Variants in AUTS2 observed in about 807,000 individuals in gnomAD.
The protein encoded by AUTS2 is autism susceptibility gene 2 protein.
Under a neutral mutation model 112.4 loss-of-function variants are expected in AUTS2, and 17 were observed. The ratio of observed to expected loss-of-function variants is 0.15; its 90% CI spans 0.10 to 0.23. The LOEUF (loss-of-function observed/expected upper bound fraction) is 0.23, where lower values mean the gene tolerates loss of function less well. AUTS2 is among the 10% of genes least tolerant of loss of function. AUTS2 has a pLI of 1.00. For synonymous variants in AUTS2, 751 were observed against 702.7 expected, an observed-to-expected ratio of 1.07 and a Z score of -1.09; for missense variants, 1,510 against 1,701.6, an observed-to-expected ratio of 0.89 and a Z score of 1.98.
chr7:69,756,510 G>C (rs930164772), intron 1 of AUTS2, among the ~76,000 whole-genome samples: 2 of 152,220 alleles, frequency 1.3e-5, no homozygotes, highest in East Asian at 3.9e-4. Flanking sequence ...AAAGCTCTTT[G>C]TGTATTTGAA....
At chr7:70,741,256 A>G (rs1477569820) in intron 6 of AUTS2, among the ~76,000 whole-genome samples, 1 of 152,018 alleles carries the variant, frequency 6.6e-6, no homozygotes, top group Admixed American at 6.5e-5. Context: ...TAAAATCACC[A>G]TGCTGTTCAC....
intron 2 of AUTS2, among the ~76,000 whole-genome samples, chr7:69,955,329 T>G (rs558488444): frequency 2.0e-5 from 3 of 152,286 alleles, no homozygotes; most frequent in African/African-American, 7.2e-5. Flanking sequence ...CCTTCTCCTA[T>G]GCTTATCTTT....
At chr7:70,054,692 G>C (rs1459560713) in intron 2 of AUTS2, among the ~76,000 whole-genome samples, 4 of 152,098 alleles carry the variant, frequency 2.6e-5, no homozygotes, top group African/African-American at 4.8e-5. Flanking sequence ...AATCATTCTA[G>C]AATTTTGCAC....
intron 6 of AUTS2, chr7:70,699,635 G>A (rs1224713422): frequency 6.6e-6 from 1 of 152,176 alleles, no homozygotes; most frequent in African/African-American, 2.4e-5. Flanking sequence ...CCCTTGAGGT[G>A]TATGTGATTG....
At chr7:70,570,522 A>G (rs564713853) in intron 5 of AUTS2, among the ~76,000 whole-genome samples, 3 of 152,276 alleles carry the variant, frequency 2.0e-5, no homozygotes, top group African/African-American at 7.2e-5. Context: ...GGGTCCACCT[A>G]TAAGATTTTG....
chr7:70,041,056 T>G (rs755869928), intron 2 of AUTS2, among the ~76,000 whole-genome samples: 1 of 152,130 alleles, frequency 6.6e-6, no homozygotes, highest in Non-Finnish European at 1.5e-5. Context: ...ATAGGGTAAT[T>G]CCCACACACC....
chr7:69,978,903 C>T (rs900159107), intron 2 of AUTS2, among the ~76,000 whole-genome samples: 11 of 131,586 alleles, frequency 8.4e-5, no homozygotes, highest in African/African-American at 3.2e-4. Flanking sequence ...CACACACACG[C>T]ACACACGCAC....
intron 1 of AUTS2, among the ~76,000 whole-genome samples, chr7:69,872,693 C>G (rs1793552217): frequency 6.6e-6 from 1 of 151,788 alleles, no homozygotes; most frequent in Non-Finnish European, 1.5e-5. Flanking sequence ...GCAACCACTA[C>G]AGTGGTTGGT....
At chr7:69,816,863 C>G (rs746750132) in intron 1 of AUTS2, among the ~76,000 whole-genome samples, 2 of 152,158 alleles carry the variant, frequency 1.3e-5, no homozygotes, top group Non-Finnish European at 2.9e-5. Flanking sequence ...CTTACCTGCT[C>G]AAAGTATGTC....
chr7:70,452,874 C>T (rs1026056970), intron 5 of AUTS2, among the ~76,000 whole-genome samples: 1 of 152,098 alleles, frequency 6.6e-6, no homozygotes, highest in Non-Finnish European at 1.5e-5. Context: ...TCACCCATGT[C>T]CCCCTCCACC....
chr7:69,967,549 G>A (rs1442009983), intron 2 of AUTS2, among the ~76,000 whole-genome samples: 2 of 152,140 alleles, frequency 1.3e-5, no homozygotes, highest in Non-Finnish European at 2.9e-5. Flanking sequence ...AACATAAAGG[G>A]GAAGGGGGCC....
chr7:69,711,239 C>G (rs1241530496), intron 1 of AUTS2, among the ~76,000 whole-genome samples: 5 of 152,104 alleles, frequency 3.3e-5, no homozygotes, highest in African/African-American at 1.2e-4. Flanking sequence ...GTGCAATTAA[C>G]ATGAAAATGA....
chr7:70,644,431 T>C (rs1806036464), intron 5 of AUTS2, among the ~76,000 whole-genome samples: 1 of 152,136 alleles, frequency 6.6e-6, no homozygotes, highest in Non-Finnish European at 1.5e-5. Context: ...GTCCCGACTC[T>C]ATCACTTCCC....
intron 4 of AUTS2, among the ~76,000 whole-genome samples, chr7:70,419,810 T>C (rs187758671): frequency 6.6e-6 from 1 of 152,350 alleles, no homozygotes; most frequent in East Asian, 1.9e-4. Context: ...TCTAATTTGA[T>C]TGATGAAGAG....
chr7:70,762,325 CAG>C (rs1174586175), intron 6 of AUTS2, among the ~76,000 whole-genome samples: 1 of 152,150 alleles, frequency 6.6e-6, no homozygotes, highest in Non-Finnish European at 1.5e-5. Context: ...CATACAGAGA[CAG>C]AGTCTCGCTA....
Position 69,602,094 on chromosome 7 carries a change from A to G in AUTS2, c.309+2132A>G, listed in dbSNP as rs2191291. Among the ~76,000 whole-genome samples, 321 of 130,504 alleles carry G rather than the reference A, an allele frequency of 2.5e-3. 1 individual carries two copies. Among genetic ancestry groups the G allele is most frequent in the East Asian group, 5.9e-3 (25 of 4,224 alleles). The allele number at this position is 130,504 out of a possible 152,430, so 85.6% of individuals were successfully genotyped here. On this transcript the variant is annotated intron_variant, in intron 1 of 18. Coordinates refer to ENST00000342771, the MANE Select transcript of AUTS2 (RefSeq NM_015570.4). ...TGTGTGTGTGTGTGTGTGTGTGTGT[A>G]TATCTCACTTATGCAGTTCTTTTTG...
chr7:70,344,260 C>A (rs1346254267), intron 4 of AUTS2, among the ~76,000 whole-genome samples: 1 of 151,986 alleles, frequency 6.6e-6, no homozygotes, highest in African/African-American at 2.4e-5. Context: ...ATCAATGAGA[C>A]CTATTTGCAA....
intron 5 of AUTS2, among the ~76,000 whole-genome samples, chr7:70,583,005 G>T (rs1802520574): frequency 1.3e-5 from 2 of 152,116 alleles, no homozygotes; most frequent in South Asian, 4.2e-4. Flanking sequence ...GTGTAGTACT[G>T]TATCTTTAAC....
chr7:70,522,740 A>C (rs1394257714), intron 5 of AUTS2, among the ~76,000 whole-genome samples: 2 of 152,128 alleles, frequency 1.3e-5, no homozygotes, highest in Admixed American at 6.5e-5. Context: ...TGTCTTTGCT[A>C]TTGTGAATAG....
Sources: allele counts gnomAD v4.1 joint callset (sites outside exome capture counted in the v4.1 genomes callset), GRCh38; gene constraint gnomAD v4.1.1; transcripts MANE v1.5; gene names NCBI Gene and HGNC (gene_info 2026-07-23, HGNC 2026-07-21).